The following TPO variants were observed in gnomAD, a reference collection of about 807,000 sequenced individuals.
TPO encodes the protein thyroid peroxidase.
TPO carries 78 observed loss-of-function variants against 96.9 expected under a neutral mutation model. That is an observed-to-expected ratio of 0.81 (90% CI 0.67 to 0.97). The LOEUF (loss-of-function observed/expected upper bound fraction) is 0.97, where lower values mean the gene tolerates loss of function less well. Among genes scored for constraint, TPO ranks in the 50% least tolerant of loss-of-function variants. TPO has a pLI of 0.00. For missense variants in TPO, 1,252 were observed against 1,274.8 expected (o/e 0.98, Z 0.27); for synonymous variants, 547 against 538.0 (o/e 1.02, Z -0.23).
intron 10 of TPO, 146 bp downstream of exon 10, chr2:1,488,137 C>T: frequency 8.3e-7 from 1 of 1,198,334 alleles, no homozygotes; most frequent in South Asian, 1.3e-5. Flanking sequence ...GGCTCCAGTT[C>T]ATTCAGCTAA....
At chr2:1,401,847 C>T (rs1662177559) in intron 1 of TPO, among the ~76,000 whole-genome samples, 1 of 152,206 alleles carries the variant, frequency 6.6e-6, no homozygotes, top group African/African-American at 2.4e-5. Context: ...ATTTGTCTGA[C>T]TGTTAGGATA....
intron 15 of TPO, among the ~76,000 whole-genome samples, chr2:1,532,931 C>G (rs1284680265): frequency 5.1e-5 from 6 of 118,294 alleles, no homozygotes; most frequent in Admixed American, 2.6e-4. Context: ...CAAAATCTCC[C>G]CCACTATGTG....
chr2:1,430,465 T>G (rs191902677), intron 3 of TPO, among the ~76,000 whole-genome samples: 85 of 152,324 alleles, frequency 5.6e-4, no homozygotes, highest in African/African-American at 2.0e-3. Flanking sequence ...AGGGCCATGC[T>G]GAGGGGGAAT....
intron 15 of TPO, among the ~76,000 whole-genome samples, chr2:1,531,887 A>C (rs1438901917): frequency 2.0e-4 from 7 of 35,886 alleles, no homozygotes; most frequent in Admixed American, 3.5e-4. Context: ...TCCTCAAATC[A>C]CCCTACTGTG....
intron 10 of TPO, among the ~76,000 whole-genome samples, chr2:1,493,475 C>T (rs1283382912): frequency 1.4e-5 from 2 of 143,550 alleles, no homozygotes; most frequent in Non-Finnish European, 3.2e-5. Context: ...CAGGGTGGGA[C>T]AGGACTCTGC....
At chr2:1,386,327 C>T (rs1020075278) in intron 1 of TPO, among the ~76,000 whole-genome samples, 1 of 152,102 alleles carries the variant, frequency 6.6e-6, no homozygotes, top group Non-Finnish European at 1.5e-5. Context: ...TAAAGTCTCC[C>T]ATTATTATTG....
rs181450509 is a variant in TPO at position 1,374,620 on chromosome 2, G to T, written n.180+218G>T. On this transcript the variant is annotated intron_variant and non_coding_transcript_variant, in intron 1 of 5. Transcript: ENST00000497517. The stretch of plus-strand genomic sequence containing the variant: ...TTCTAAGTTTTAACTGACAAAATTT[G>T]AAACCATTTCTGCAAAAATGTTAAT... Among the ~76,000 whole-genome samples the T allele has an allele frequency of 1.1e-4, 17 of 152,134 alleles. No individual in the cohort carries two copies. The East Asian group carries it at 2.5e-3, about 22-fold the overall frequency.
chr2:1,522,210 G>A (rs4927626), intron 15 of TPO, among the ~76,000 whole-genome samples: 52,888 of 109,906 alleles, frequency 0.48, 13,727 homozygotes, highest in Admixed American at 0.53. Flanking sequence ...ACACCGGCCC[G>A]CCACCGTGCC....
rs114534361 is a variant in TPO, at chr2:1,488,429, G to A, written c.1768+438G>A. 6.2e-3 allele frequency among the ~76,000 whole-genome samples: 948 copies of A among 152,194 alleles called. 8 individuals are homozygous for A. The highest frequency in any genetic ancestry group is 0.022 in the African/African-American group (908 of 41,508). The stretch of plus-strand genomic sequence containing the variant: ...TGCTGTTAACTAACTGGTCCAAGCT[G>A]GCCCCTGGCAGGAGTGGCTGCTCCT... On this transcript the variant is annotated intron_variant, in intron 10 of 16. Transcript: ENST00000329066.
At chr2:1,527,368 C>T (rs1287361903) in intron 15 of TPO, among the ~76,000 whole-genome samples, 2 of 144,644 alleles carry the variant, frequency 1.4e-5, no homozygotes, top group East Asian at 2.3e-4. Flanking sequence ...CCCAAATCCC[C>T]GCACTGTGTG....
chr2:1,476,266 A>C (rs1194355028), intron 7 of TPO, among the ~76,000 whole-genome samples: 2 of 152,182 alleles, frequency 1.3e-5, no homozygotes, highest in Non-Finnish European at 2.9e-5. Flanking sequence ...TTAACCTCCT[A>C]AATCTGATAA....
intron 7 of TPO, among the ~76,000 whole-genome samples, chr2:1,463,157 C>T (rs1339159474): frequency 1.3e-5 from 2 of 152,140 alleles, no homozygotes; most frequent in South Asian, 2.1e-4. Context: ...GGGTGGGTCT[C>T]CAGGGCACTT....
intron 3 of TPO, among the ~76,000 whole-genome samples, chr2:1,432,282 G>C (rs1226049725): frequency 6.6e-6 from 1 of 152,262 alleles, no homozygotes; most frequent in Non-Finnish European, 1.5e-5. Context: ...CAGGTGCCTG[G>C]ACAATGCTCT....
intron 1 of TPO, among the ~76,000 whole-genome samples, chr2:1,391,409 T>C (rs1257654642): frequency 6.6e-6 from 1 of 152,218 alleles, no homozygotes; most frequent in African/African-American, 2.4e-5. Flanking sequence ...GCTGTTTTGG[T>C]TACTGTAGCC....
intron 7 of TPO, among the ~76,000 whole-genome samples, chr2:1,476,655 G>A (rs1254791630): frequency 1.3e-5 from 2 of 152,274 alleles, no homozygotes; most frequent in African/African-American, 2.4e-5. Flanking sequence ...GCAGGTCTGA[G>A]CAGGAGCGAG....
At chr2:1,432,262 T>C (rs896042078) in intron 3 of TPO, among the ~76,000 whole-genome samples, 1 of 152,248 alleles carries the variant, frequency 6.6e-6, no homozygotes, top group Non-Finnish European at 1.5e-5. Flanking sequence ...GACTCAGTAA[T>C]TCCATTCTGC....
chr2:1,438,067 G>C (rs1573182989), intron 5 of TPO, among the ~76,000 whole-genome samples: 1 of 152,060 alleles, frequency 6.6e-6, no homozygotes, highest in African/African-American at 2.4e-5. Flanking sequence ...CAGGGGGTAG[G>C]TGCACTGTTG....
At chr2:1,386,724 T>A (rs1373699677) in intron 1 of TPO, among the ~76,000 whole-genome samples, 2 of 151,878 alleles carry the variant, frequency 1.3e-5, no homozygotes, top group African/African-American at 2.4e-5. Context: ...TAAGGTTAAT[T>A]TTGTTATGTG....
chr2:1,396,736 G>A (rs1346946506), intron 1 of TPO, among the ~76,000 whole-genome samples: 1 of 152,160 alleles, frequency 6.6e-6, no homozygotes, highest in Non-Finnish European at 1.5e-5. Context: ...GTCAGTGTCT[G>A]TTAACAATCA....
Sources: allele counts gnomAD v4.1 joint callset (sites outside exome capture counted in the v4.1 genomes callset), GRCh38; gene constraint gnomAD v4.1.1; transcripts MANE v1.5; gene names NCBI Gene and HGNC (gene_info 2026-07-23, HGNC 2026-07-21).